CYYR1: variants seen among roughly 807,000 people sequenced by gnomAD.
CYYR1 encodes cysteine and tyrosine rich 1.
CYYR1 carries 14 observed loss-of-function variants against 15.2 expected under a neutral mutation model. That is an observed-to-expected ratio of 0.92 (90% CI 0.61 to 1.44). The LOEUF (loss-of-function observed/expected upper bound fraction) is 1.44, where lower values mean the gene tolerates loss of function less well. Among genes scored for constraint, CYYR1 ranks in the 40% most tolerant of loss-of-function variants. The probability of loss-of-function intolerance (pLI) is 0.00; values close to 1 mark genes in which losing one functional copy is unlikely to be tolerated. For synonymous variants in CYYR1, 80 were observed against 77.4 expected (o/e 1.03, Z -0.18); for missense variants, 228 against 209.5 (o/e 1.09, Z -0.54).
intron 2 of CYYR1, among the ~76,000 whole-genome samples, chr21:26,515,645 C>G (rs1487250445): frequency 6.6e-6 from 1 of 152,088 alleles, no homozygotes; most frequent in Admixed American, 6.6e-5. Flanking sequence ...CAGAACTGCT[C>G]TCTTTCTCCC....
At chr21:26,559,222 C>T (rs1980026194) in intron 2 of CYYR1, among the ~76,000 whole-genome samples, 1 of 152,136 alleles carries the variant, frequency 6.6e-6, no homozygotes, top group African/African-American at 2.4e-5. Flanking sequence ...CCAGGTGGAT[C>T]ATCTTTCACT....
intron 2 of CYYR1, chr21:26,564,570 G>T: frequency 7.7e-6 from 5 of 653,354 alleles, no homozygotes; most frequent in Non-Finnish European, 9.5e-6. Flanking sequence ...GAACTTCACT[G>T]CAAATGTAAA....
intron 2 of CYYR1, among the ~76,000 whole-genome samples, chr21:26,544,731 A>T (rs1385489361): frequency 6.6e-6 from 1 of 152,212 alleles, no homozygotes; most frequent in Non-Finnish European, 1.5e-5. Context: ...ATGATCTTGT[A>T]AGTAAAAACA....
At chr21:26,470,413 A>G (rs373556113) in intron 3 of CYYR1, 7 of 151,980 alleles carry the variant, frequency 4.6e-5, no homozygotes, top group African/African-American at 1.2e-4. Flanking sequence ...GTAATTCCCA[A>G]TGTTGGGGGA....
At chr21:26,525,287 A>G (rs552632316) in intron 2 of CYYR1, among the ~76,000 whole-genome samples, 1 of 152,180 alleles carries the variant, frequency 6.6e-6, no homozygotes, top group Admixed American at 6.5e-5. Context: ...AGAATATTAA[A>G]AAATATTATT....
Position 26,485,505 on chromosome 21 carries a change from C to T in CYYR1, c.177-5076G>A, listed in dbSNP as rs535119141. 2.6e-5 allele frequency among the ~76,000 whole-genome samples: 4 copies of T among 152,140 alleles called. No homozygotes were observed. The South Asian group carries it at 6.2e-4, about 24-fold the overall frequency. ...GCCTTCTCTCTGCCATCAATAACCC[C>T]GGGTATCAGCAATCTGTTCTCCGTT... is the stretch of plus-strand genomic sequence containing the variant. On this transcript the variant is annotated intron_variant, in intron 2 of 3. Coordinates refer to ENST00000652641, the MANE Select transcript of CYYR1 (RefSeq NM_001320768.2).
intron 2 of CYYR1, among the ~76,000 whole-genome samples, chr21:26,529,115 T>G (rs971146029): frequency 6.6e-6 from 1 of 152,232 alleles, no homozygotes; most frequent in Non-Finnish European, 1.5e-5. Flanking sequence ...AGATGTGTAT[T>G]ACCACTGTTT....
chr21:26,513,570 G>A (rs1226564779), intron 2 of CYYR1, among the ~76,000 whole-genome samples: 1 of 152,066 alleles, frequency 6.6e-6, no homozygotes, highest in East Asian at 1.9e-4. Flanking sequence ...CAATCCAGAA[G>A]TAGGCAATAC....
At chr21:26,505,168 G>T (rs2065538188) in intron 2 of CYYR1, among the ~76,000 whole-genome samples, 2 of 152,104 alleles carry the variant, frequency 1.3e-5, no homozygotes. Context: ...AGAAAACATG[G>T]CCCCTCTTTG....
At chr21:26,518,525 T>C (rs1601783118) in intron 2 of CYYR1, 1 of 152,490 alleles carries the variant, frequency 6.6e-6, no homozygotes, top group Non-Finnish European at 1.5e-5. Context: ...TTGCCAGATG[T>C]TGACACCATG....
At chr21:26,507,398 G>A (rs929623022) in intron 2 of CYYR1, among the ~76,000 whole-genome samples, 1 of 152,138 alleles carries the variant, frequency 6.6e-6, no homozygotes, top group African/African-American at 2.4e-5. Flanking sequence ...TAAAACATTA[G>A]ATGTCTTTAC....
intron 3 of CYYR1, chr21:26,477,825 T>C: frequency 8.4e-7 from 1 of 1,184,576 alleles, no homozygotes; most frequent in South Asian, 3.5e-5. Flanking sequence ...TTCAGAGGTA[T>C]AAATAATAAT....
In CYYR1 at chr21:26,573,051, A is replaced by G. The variant is rs771047962; in HGVS notation, c.-111T>C. 2.5e-6 allele frequency: 4 copies of G among 1,586,180 alleles called. No homozygotes were observed. Among genetic ancestry groups the G allele is most frequent in the Non-Finnish European group, 3.4e-6 (4 of 1,167,704 alleles). On this transcript the variant is annotated 5_prime_UTR_variant, in exon 1 of 4. Coordinates refer to ENST00000652641, the MANE Select transcript of CYYR1 (RefSeq NM_001320768.2). ...AGCAGCGCTCCTGAGAGCCGGGTGG[A>G]GCAGAGACCCGGCCATTGCCTAGGG...
chr21:26,468,654 G>A lies in CYYR1; in HGVS notation c.335-20C>T, dbSNP rs745704303. ...GTCCTGCTGAAAAAGAAGGGGAAGA[G>A]AACATCAAGGAGTTAGCAAATATTT... On this transcript the variant is annotated intron_variant, in intron 3 of 3. Transcript: ENST00000652641. 8 of 1,548,506 alleles carry A rather than the reference G, an allele frequency of 5.2e-6. No homozygotes were observed. In the Admixed American group the frequency reaches 1.2e-4, roughly 24 times the overall value.
intron 2 of CYYR1, among the ~76,000 whole-genome samples, chr21:26,558,581 A>T (rs13052533): frequency 0.035 from 5,384 of 152,286 alleles, 141 homozygotes; most frequent in Non-Finnish European, 0.057. Context: ...TGCTGCACTC[A>T]AAGTATTGAA....
At chr21:26,492,581 C>A (rs2065343123) in intron 2 of CYYR1, among the ~76,000 whole-genome samples, 1 of 152,084 alleles carries the variant, frequency 6.6e-6, no homozygotes, top group Admixed American at 6.6e-5. Flanking sequence ...CAGATGCCCC[C>A]AAATCTCAGT....
chr21:26,495,240 C>T (rs219632), intron 2 of CYYR1, among the ~76,000 whole-genome samples: 94,063 of 151,950 alleles, frequency 0.62, 29,988 homozygotes, highest in Non-Finnish European at 0.68. Context: ...GGGCAGAGAG[C>T]GGTAGATCTA....
At chr21:26,522,174 G>A (rs1485702046) in intron 2 of CYYR1, among the ~76,000 whole-genome samples, 1 of 152,122 alleles carries the variant, frequency 6.6e-6, no homozygotes, top group African/African-American at 2.4e-5. Flanking sequence ...TGGCAATATG[G>A]ACAATATTCC....
chr21:26,468,265 G>A lies in CYYR1; in HGVS notation c.*236C>T. On this transcript the variant is annotated 3_prime_UTR_variant, in exon 4 of 4. Transcript: ENST00000652641. ...TACTCTTCCCTGAATGTGCTTAGGT[G>A]GATCAGCAGATCTCTTAAAATGTGG... is the stretch of plus-strand genomic sequence containing the variant. 1 of 534,594 alleles carries A rather than the reference G, an allele frequency of 1.9e-6. No individual in the cohort carries two copies. The highest frequency in any genetic ancestry group is 2.0e-5 in the South Asian group (1 of 49,432). The allele number at this position is 534,594 out of a possible 1,614,324, so 33.1% of individuals were successfully genotyped here. A position where few individuals can be genotyped will look rare whatever the true frequency, so the allele number is the denominator to read the frequency against.
Sources: allele counts gnomAD v4.1 joint callset (sites outside exome capture counted in the v4.1 genomes callset), GRCh38; gene constraint gnomAD v4.1.1; transcripts MANE v1.5; gene names NCBI Gene and HGNC (gene_info 2026-07-23, HGNC 2026-07-21).